The following RCOR1 variants were observed in gnomAD, a reference collection of about 807,000 sequenced individuals.
The protein encoded by RCOR1 is REST corepressor.
A neutral mutation model predicts 64.0 loss-of-function variants in RCOR1; 12 were observed. The ratio of observed to expected loss-of-function variants is 0.19; its 90% confidence interval spans 0.12 to 0.30. The LOEUF (loss-of-function observed/expected upper bound fraction) is 0.30. RCOR1 is among the 10% of genes least tolerant of loss of function. RCOR1 has a pLI of 1.00. For missense variants in RCOR1, 502 were observed against 621.2 expected (o/e 0.81, Z 2.04); for synonymous variants, 279 against 227.2 (o/e 1.23, Z -2.05).
chr14:102,600,568 A>ATT lies in RCOR1; in HGVS notation c.361+7261_361+7262dup, dbSNP rs750778582. ...AGGTGTGTGCCACCATGCCCAGCTA[A>ATT]TTTTTTTTTTTTTTTTTTTGAAGAC... On this transcript the variant is annotated intron_variant, in intron 2 of 11. Transcript: ENST00000262241. 2.6e-3 allele frequency among the ~76,000 whole-genome samples: 333 copies of ATT among 127,008 alleles called. 2 individuals are homozygous for ATT. Among genetic ancestry groups the ATT allele is most frequent in the African/African-American group, 8.6e-3 (288 of 33,394 alleles). 83.3% of individuals were successfully genotyped at this position (127,008 alleles called of 152,430 possible).
intron 2 of RCOR1, among the ~76,000 whole-genome samples, chr14:102,672,308 T>TA (rs1895046714): frequency 2.0e-5 from 3 of 152,018 alleles, no homozygotes; most frequent in African/African-American, 7.3e-5. Context: ...CACCTCCTGT[T>TA]ACGCCATTTT....
At chr14:102,634,186 A>G (rs1894185118) in intron 2 of RCOR1, among the ~76,000 whole-genome samples, 1 of 152,082 alleles carries the variant, frequency 6.6e-6, no homozygotes, top group Non-Finnish European at 1.5e-5. Flanking sequence ...AATGCCATGT[A>G]ATAGGCTCCT....
At chr14:102,613,099 T>G (rs1344464383) in intron 2 of RCOR1, among the ~76,000 whole-genome samples, 3 of 152,088 alleles carry the variant, frequency 2.0e-5, no homozygotes, top group African/African-American at 7.2e-5. Context: ...TCTCGCTTTT[T>G]TTGTTTTGTT....
chr14:102,640,568 T>C (rs1306567949), intron 2 of RCOR1, among the ~76,000 whole-genome samples: 1 of 149,166 alleles, frequency 6.7e-6, no homozygotes, highest in Non-Finnish European at 1.5e-5. Flanking sequence ...AAATGTAATA[T>C]TAGTGTAAAA....
rs1896165543 is a variant in RCOR1, at chr14:102,721,395, T to C, written c.1189+18T>C. The C allele has an allele frequency of 2.5e-6, 4 of 1,605,856 alleles. No homozygotes were observed. The highest frequency in any genetic ancestry group is 3.4e-6 in the Non-Finnish European group (4 of 1,172,714). Reference sequence around the variant, plus strand: ...CGTACAAGGTAGGGGGAAGTTCTTCTAAAGAGTTTAGGAGGCCGGCTGTGG... The same window carrying C: ...CGTACAAGGTAGGGGGAAGTTCTTCCAAAGAGTTTAGGAGGCCGGCTGTGG... On this transcript the variant is annotated intron_variant, in intron 10 of 11. Coordinates refer to ENST00000262241, the MANE Select transcript of RCOR1 (RefSeq NM_015156.4).
chr14:102,716,204 A>G (rs1318496082), intron 8 of RCOR1, among the ~76,000 whole-genome samples: 4 of 152,008 alleles, frequency 2.6e-5, no homozygotes, highest in African/African-American at 4.8e-5. Flanking sequence ...CTTTTGTGAC[A>G]TGTCTACTCA....
chr14:102,681,301 G>T (rs543354226), intron 2 of RCOR1, among the ~76,000 whole-genome samples: 1 of 152,160 alleles, frequency 6.6e-6, no homozygotes, highest in Non-Finnish European at 1.5e-5. Context: ...CCTGTTTCTC[G>T]AGTCTTTGCC....
chr14:102,632,012 G>T (rs1028248677), intron 2 of RCOR1, among the ~76,000 whole-genome samples: 12 of 151,662 alleles, frequency 7.9e-5, no homozygotes, highest in African/African-American at 2.9e-4. Context: ...GTTTCACCAT[G>T]TTGGCCAGGC....
At chr14:102,697,368 C>T (rs545125087) in intron 3 of RCOR1, among the ~76,000 whole-genome samples, 18 of 152,304 alleles carry the variant, frequency 1.2e-4, no homozygotes, top group East Asian at 3.9e-4. Flanking sequence ...GAATTTGACC[C>T]GGGTCTTTCT....
chr14:102,721,562 A>T (rs1896168568), intron 10 of RCOR1, 185 bp downstream of exon 10: 6 of 408,216 alleles, frequency 1.5e-5, no homozygotes, highest in Non-Finnish European at 2.2e-5. Flanking sequence ...AAAAAAAAAA[A>T]ATTTTTTTTT....
chr14:102,630,367 C>G (rs1894085749), intron 2 of RCOR1, among the ~76,000 whole-genome samples: 1 of 152,178 alleles, frequency 6.6e-6, no homozygotes, highest in South Asian at 2.1e-4. Flanking sequence ...GAATCATGAG[C>G]CAAGTGAATT....
intron 4 of RCOR1, among the ~76,000 whole-genome samples, chr14:102,705,326 C>T (rs1895829188): frequency 1.3e-5 from 2 of 152,178 alleles, no homozygotes; most frequent in African/African-American, 4.8e-5. Context: ...GTTCTAATTG[C>T]TTGGCCCTGC....
At chr14:102,630,129 C>A in intron 2 of RCOR1, 1 of 330,898 alleles carries the variant, frequency 3.0e-6, no homozygotes, top group Non-Finnish European at 4.3e-6. Flanking sequence ...GGTGTTTGTG[C>A]CATGGGGCTG....
In RCOR1 at chr14:102,592,729, C is replaced by T; in HGVS notation, c.-158C>T. 2 of 1,224,462 alleles carry T rather than the reference C, an allele frequency of 1.6e-6. No individual in the cohort carries two copies. The highest frequency in any genetic ancestry group is 2.0e-6 in the Non-Finnish European group (2 of 983,422). 75.8% of individuals were successfully genotyped at this position (1,224,462 alleles called of 1,614,324 possible). On this transcript the variant is annotated 5_prime_UTR_variant, in exon 1 of 12. Coordinates refer to ENST00000262241, the MANE Select transcript of RCOR1 (RefSeq NM_015156.4). ...TGGGGGCTTGAAGCGGCTCCGCGCT[C>T]TGCCCGTTTGGGCCTCCCCCGACTC...
At chr14:102,622,605 C>G (rs1238201454) in intron 2 of RCOR1, among the ~76,000 whole-genome samples, 1 of 152,054 alleles carries the variant, frequency 6.6e-6, no homozygotes, top group Non-Finnish European at 1.5e-5. Context: ...CAGCAAAATT[C>G]CCCTAATCTT....
intron 4 of RCOR1, among the ~76,000 whole-genome samples, chr14:102,703,871 GC>G (rs1895797393): frequency 1.3e-5 from 2 of 152,364 alleles, no homozygotes; most frequent in Non-Finnish European, 2.9e-5. Flanking sequence ...CTCTCAAGGA[GC>G]ACTCTCCCTG....
chr14:102,677,009 GGGGC>G (rs1207828041), intron 2 of RCOR1, among the ~76,000 whole-genome samples: 1 of 113,398 alleles, frequency 8.8e-6, no homozygotes, highest in African/African-American at 3.8e-5. Context: ...CCTCCCGGAC[GGGGC>G]GGCCGGCCGG....
intron 2 of RCOR1, among the ~76,000 whole-genome samples, chr14:102,596,325 ACTC>A (rs900882044): frequency 2.8e-4 from 43 of 151,856 alleles, no homozygotes; most frequent in African/African-American, 1.0e-3. Flanking sequence ...CTGGTCTGGA[ACTC>A]CTGAACGCAG....
intron 2 of RCOR1, among the ~76,000 whole-genome samples, chr14:102,617,676 A>T (rs142191091): frequency 0.01 from 1,398 of 139,272 alleles, 24 homozygotes; most frequent in African/African-American, 0.036. Context: ...TGCAACCTCC[A>T]CTTCCCAGGT....
Sources: gnomAD v4.1 joint callset for allele counts (sites outside exome capture counted in the v4.1 genomes callset) on GRCh38, gnomAD v4.1.1 for gene constraint, MANE v1.5 for transcripts, NCBI Gene and HGNC (gene_info 2026-07-23, HGNC 2026-07-21) for gene names.